The following PDS5B variants were observed in gnomAD, a reference collection of about 807,000 sequenced individuals.
PDS5B encodes PDS5 cohesin associated factor B, also known as sister chromatid cohesion protein PDS5 homolog B.
In PDS5B, 51 loss-of-function variants were observed where a neutral mutation model predicts 184.1. The ratio of observed to expected loss-of-function variants is 0.28; its 90% CI spans 0.22 to 0.35. The LOEUF is 0.35. PDS5B is among the 10% of genes least tolerant of loss of function. The pLI, the probability that PDS5B is intolerant of heterozygous loss-of-function variation, is 1.00. For synonymous variants in PDS5B, 566 were observed against 569.2 expected, an observed-to-expected ratio of 0.99 and a Z score of 0.08; for missense variants, 1,180 against 1,723.3, an observed-to-expected ratio of 0.68 and a Z score of 5.58.
intron 31 of PDS5B, among the ~76,000 whole-genome samples, 160 bp downstream of exon 31, chr13:32,764,754 A>G (rs1284114440): frequency 6.6e-6 from 1 of 152,116 alleles, no homozygotes; most frequent in East Asian, 1.9e-4. Flanking sequence ...CCTCTATGTA[A>G]TTTAAGTATA....
In PDS5B at chr13:32,690,978, GGTT is replaced by G. The variant is rs200274700; in HGVS notation, c.1469+2413_1469+2415del. On this transcript the variant is annotated intron_variant, in intron 13 of 34. Transcript: ENST00000315596. ...ATTTTAGTACTTTATATTTATCTGT[GGTT>G]GTTTTCTCCAAAATCCATTACCTTT... 10 of 151,814 alleles carry G rather than the reference GGTT, an allele frequency of 6.6e-5. No homozygotes were observed. In the East Asian group the frequency reaches 1.7e-3, roughly 26 times the overall value. 9.4% of individuals were successfully genotyped at this position (151,814 alleles called of 1,614,324 possible). A position where few individuals can be genotyped will look rare whatever the true frequency, so the allele number is the denominator to read the frequency against.
chr13:32,715,861 G>A (rs1190876198), intron 19 of PDS5B, among the ~76,000 whole-genome samples: 1 of 152,232 alleles, frequency 6.6e-6, no homozygotes, highest in African/African-American at 2.4e-5. Flanking sequence ...GGGTTTTGCT[G>A]TGTTGGCCGG....
At chr13:32,734,027 GTTTTC>G in intron 20 of PDS5B, among the ~76,000 whole-genome samples, 1 of 98,116 alleles carries the variant, frequency 1.0e-5, no homozygotes. Flanking sequence ...CATATATTTT[GTTTTC>G]TTTTTTTTTT....
chr13:32,730,673 G>A (rs1024427921), intron 19 of PDS5B, among the ~76,000 whole-genome samples: 1 of 152,108 alleles, frequency 6.6e-6, no homozygotes, highest in African/African-American at 2.4e-5. Context: ...TCCCTTGTAA[G>A]TTGTATTCCT....
At chr13:32,625,513 C>T (rs2058357595) in intron 1 of PDS5B, among the ~76,000 whole-genome samples, 1 of 152,082 alleles carries the variant, frequency 6.6e-6, no homozygotes, top group South Asian at 2.1e-4. Flanking sequence ...TCAGTTTGTG[C>T]ACCTCTTTTG....
chr13:32,659,278 A>G lies in PDS5B; in HGVS notation c.622A>G (p.Lys208Glu). Reference sequence around the variant, plus strand: ...TTTAGTAAATCTGGTACCTGCTCATAAGGTGAGTAGCAATGTATACTGTAA... The same window carrying G: ...TTTAGTAAATCTGGTACCTGCTCATGAGGTGAGTAGCAATGTATACTGTAA... ...TVLVNLVPAHKNLNKQAYDLA... is the reference protein window; with the variant it reads ...TVLVNLVPAHENLNKQAYDLA... Residue 208 changes from lysine (K) to glutamate (E), a missense_variant and splice_region_variant, in exon 6 of 35, where the codon AAG becomes GAG. Lys to Glu is a moderately conservative substitution (Grantham distance 56). Transcript: ENST00000315596. 2 of 1,583,658 alleles carry G rather than the reference A, an allele frequency of 1.3e-6. No homozygotes were observed. The highest frequency in any genetic ancestry group is 1.3e-5 in the African/African-American group (1 of 74,732).
intron 1 of PDS5B, among the ~76,000 whole-genome samples, chr13:32,596,188 AC>A (rs925864226): frequency 5.9e-5 from 9 of 152,300 alleles, no homozygotes; most frequent in African/African-American, 1.9e-4. Context: ...CATTTTTATT[AC>A]CCCACAACGT....
intron 17 of PDS5B, among the ~76,000 whole-genome samples, chr13:32,702,856 G>A (rs1951901405): frequency 2.0e-5 from 3 of 152,166 alleles, no homozygotes; most frequent in African/African-American, 7.2e-5. Flanking sequence ...GGATGATTGA[G>A]ATGATGGCTA....
intron 19 of PDS5B, among the ~76,000 whole-genome samples, chr13:32,728,844 G>C (rs948602592): frequency 2.0e-5 from 3 of 152,144 alleles, no homozygotes; most frequent in Admixed American, 6.5e-5. Flanking sequence ...GTAATCTGAA[G>C]CAGAAGTCCT....
At chr13:32,735,378 C>A (rs766838781) in intron 21 of PDS5B, 48 bp downstream of exon 21, 1 of 1,276,450 alleles carries the variant, frequency 7.8e-7, no homozygotes, top group South Asian at 1.5e-5. Context: ...TTAACTTTTG[C>A]AATTTTATCC....
Position 32,777,351 on chromosome 13 carries a change from C to CTTTTTTTTTTTTTT in PDS5B, c.*2301_*2314dup, listed in dbSNP as rs546641613. On this transcript the variant is annotated 3_prime_UTR_variant, in exon 35 of 35. Coordinates refer to ENST00000315596, the MANE Select transcript of PDS5B (RefSeq NM_015032.4). ...ATGTAAATTTTTCTTTTCTTTCTTT[C>CTTTTTTTTTTTTTT]TTTTTTTTTTTTTTTGTGTAGAAAA... 7.7e-6 allele frequency: 1 copy of CTTTTTTTTTTTTTT among 129,570 alleles called. No individual in the cohort carries two copies. The allele number at this position is 129,570 out of a possible 1,614,324, so 8.0% of individuals were successfully genotyped here.
At chr13:32,686,591 C>T (rs1173847384) in intron 11 of PDS5B, among the ~76,000 whole-genome samples, 3 of 152,062 alleles carry the variant, frequency 2.0e-5, no homozygotes, top group Admixed American at 1.3e-4. Context: ...CGAGACCAGC[C>T]TGGGCAACAT....
intron 24 of PDS5B, among the ~76,000 whole-genome samples, chr13:32,752,503 A>T (rs148220837): frequency 1.5e-3 from 222 of 152,308 alleles, no homozygotes; most frequent in African/African-American, 4.7e-3. Context: ...TCTTCAAGGA[A>T]CAAGTACTGG....
intron 15 of PDS5B, among the ~76,000 whole-genome samples, chr13:32,697,562 A>C (rs535769080): frequency 6.6e-6 from 1 of 152,330 alleles, no homozygotes; most frequent in African/African-American, 2.4e-5. Context: ...CAGTAAACCT[A>C]ACTCACTGGT....
intron 24 of PDS5B, among the ~76,000 whole-genome samples, chr13:32,750,135 T>A (rs1953920006): frequency 6.6e-6 from 1 of 152,186 alleles, no homozygotes; most frequent in South Asian, 2.1e-4. Flanking sequence ...CAGTTGTTAT[T>A]TATGTTAGTG....
chr13:32,667,592 T>C (rs1284208782), intron 6 of PDS5B, among the ~76,000 whole-genome samples, 172 bp from the exon 7 acceptor site: 1 of 152,196 alleles, frequency 6.6e-6, no homozygotes, highest in Admixed American at 6.5e-5. Context: ...GAATCTTAGA[T>C]CCAGTAGGCC....
At chr13:32,632,626 C>T (rs958850868) in intron 1 of PDS5B, among the ~76,000 whole-genome samples, 12 of 152,224 alleles carry the variant, frequency 7.9e-5, no homozygotes, top group African/African-American at 2.9e-4. Context: ...TTACCATAAA[C>T]TTAGCAATTC....
rs1951853595 is a variant in PDS5B, at chr13:32,701,248, T to C, written c.1741-75T>C. On this transcript the variant is annotated intron_variant, in intron 16 of 34. Coordinates refer to ENST00000315596, the MANE Select transcript of PDS5B (RefSeq NM_015032.4). ...GTCAGTACTACATGGTTTTAATTAT[T>C]GTTGGTTCTTAATATTTTAACATAA... The C allele has an allele frequency of 1.2e-5, 9 of 760,326 alleles. No individual in the cohort carries two copies. The South Asian group carries it at 1.5e-4, about 13-fold the overall frequency. 47.1% of individuals were successfully genotyped at this position (760,326 alleles called of 1,614,324 possible). A position where few individuals can be genotyped will look rare whatever the true frequency, so the allele number is the denominator to read the frequency against.
chr13:32,665,603 A>AAAAG (rs1950768901), intron 6 of PDS5B, among the ~76,000 whole-genome samples: 1 of 150,132 alleles, frequency 6.7e-6, no homozygotes, highest in Non-Finnish European at 1.5e-5. Flanking sequence ...AAAAAAAAAA[A>AAAAG]AAAAAAAAAA....
Sources: gnomAD v4.1 joint callset for allele counts (sites outside exome capture counted in the v4.1 genomes callset) on GRCh38, gnomAD v4.1.1 for gene constraint, MANE v1.5 for transcripts, NCBI Gene and HGNC (gene_info 2026-07-23, HGNC 2026-07-21) for gene names.